The following IKBIP variants were observed in gnomAD, a reference collection of about 807,000 sequenced individuals.
IKBIP encodes inhibitor of nuclear factor kappa-B kinase-interacting protein.
IKBIP carries 28 observed loss-of-function variants against 31.0 expected under a neutral mutation model. The ratio of observed to expected loss-of-function variants is 0.90; its 90% CI spans 0.67 to 1.24. IKBIP has a LOEUF of 1.24. IKBIP is among the 50% of genes most tolerant of loss of function. The pLI is 0.00. For missense variants in IKBIP, 453 were observed against 441.9 expected (o/e 1.03, Z -0.23); for synonymous variants, 164 against 160.3 (o/e 1.02, Z -0.17).
chr12:98,618,575 G>A (rs1387814945), intron 2 of IKBIP, among the ~76,000 whole-genome samples: 4 of 151,092 alleles, frequency 2.6e-5, no homozygotes, highest in Admixed American at 6.6e-5. Context: ...GCAGTGAGCC[G>A]AGATTGTGCC....
At chr12:98,641,336 A>T (rs1265678250) in intron 1 of IKBIP, among the ~76,000 whole-genome samples, 1 of 152,184 alleles carries the variant, frequency 6.6e-6, no homozygotes, top group Non-Finnish European at 1.5e-5. Flanking sequence ...TACGGAAAGC[A>T]TTTAATAAAG....
chr12:98,624,188 TATAAG>T (rs981815129), downstream of IKBIP: 37 of 694,958 alleles, frequency 5.3e-5, 1 homozygote, highest in African/African-American at 3.1e-4. Flanking sequence ...ACGTAAAGGA[TATAAG>T]ATAAGAGATC....
Position 98,625,944 on chromosome 12 carries a change from C to A in IKBIP, c.1120G>T (p.Gly374Cys). Reference sequence around the variant, plus strand: ...ATGTCATGAATTTAAAAATCACCACCAATTCCTTTATTTTCTATATTATAT... The same window carrying A: ...ATGTCATGAATTTAAAAATCACCACAAATTCCTTTATTTTCTATATTATAT... ...KEYNIENKGI[G>C]GDF The change falls in exon 3 of 3, where the codon GGT (glycine) becomes TGT (cysteine). Residue 374 changes from glycine to cysteine, a missense_variant. By Grantham distance (159) the Gly-to-Cys change is radical. Coordinates refer to ENST00000299157, the MANE Select transcript of IKBIP (RefSeq NM_153687.4). 7.2e-7 allele frequency: 1 copy of A among 1,384,708 alleles called. No homozygotes were observed. Among genetic ancestry groups the A allele is most frequent in the South Asian group, 1.7e-5 (1 of 57,634 alleles). The allele number at this position is 1,384,708 out of a possible 1,614,324, so 85.8% of individuals were successfully genotyped here.
At chr12:98,636,247 G>C (rs116653418) in intron 1 of IKBIP, among the ~76,000 whole-genome samples, 1 of 152,160 alleles carries the variant, frequency 6.6e-6, no homozygotes, top group Non-Finnish European at 1.5e-5. Flanking sequence ...CTGATGCCTG[G>C]GTCTCACAAA....
chr12:98,635,374 T>C (rs920299744), intron 1 of IKBIP, among the ~76,000 whole-genome samples: 1 of 152,130 alleles, frequency 6.6e-6, no homozygotes, highest in African/African-American at 2.4e-5. Context: ...GGATTACAAG[T>C]GTGGGTCAAC....
chr12:98,621,265 C>CA (rs1291791290), downstream of IKBIP, among the ~76,000 whole-genome samples: 2 of 151,686 alleles, frequency 1.3e-5, no homozygotes, highest in African/African-American at 2.4e-5. Context: ...CAAAACAAAA[C>CA]AAAAAAAACC....
At chr12:98,614,203 G>C in exon 3 of IKBIP, 13 of 1,613,922 alleles carry the variant, frequency 8.1e-6, no homozygotes, top group Non-Finnish European at 1.1e-5. Flanking sequence ...TCGTCAGACT[G>C]TTGTTCAGTA....
At chr12:98,623,972 T>C (rs2097612046), downstream of IKBIP, among the ~76,000 whole-genome samples, 1 of 151,200 alleles carries the variant, frequency 6.6e-6, no homozygotes, top group South Asian at 2.1e-4. Flanking sequence ...TCTAGATATC[T>C]ATACATACAT....
chr12:98,627,439 CTTTT>C (rs11314734), intron 2 of IKBIP, among the ~76,000 whole-genome samples: 7 of 119,618 alleles, frequency 5.9e-5, no homozygotes, highest in Admixed American at 8.8e-5. Flanking sequence ...TTTTCTTTTT[CTTTT>C]TTTTTTTTTT....
chr12:98,632,518 T>A (rs1363785412), intron 2 of IKBIP, among the ~76,000 whole-genome samples: 579 of 41,202 alleles, frequency 0.014, 4 homozygotes, highest in African/African-American at 0.03. Context: ...AAAAAATATA[T>A]ATATATATAT....
At chr12:98,622,112 A>G (rs2097610638), downstream of IKBIP, among the ~76,000 whole-genome samples, 2 of 151,122 alleles carry the variant, frequency 1.3e-5, no homozygotes, top group South Asian at 2.1e-4. Context: ...TGATGAATGT[A>G]CATCTCCTAG....
chr12:98,616,337 G>A (rs1488454357), intron 2 of IKBIP, among the ~76,000 whole-genome samples: 1 of 150,960 alleles, frequency 6.6e-6, no homozygotes, highest in Non-Finnish European at 1.5e-5. Flanking sequence ...TTGTTTAATT[G>A]GGTTTTTTTT....
chr12:98,641,807 A>AC (rs1338575587), intron 1 of IKBIP, among the ~76,000 whole-genome samples: 2 of 151,872 alleles, frequency 1.3e-5, no homozygotes, highest in Non-Finnish European at 2.9e-5. Context: ...AGCGAATGCC[A>AC]CCACACTTGG....
In IKBIP at chr12:98,644,525, G is replaced by A. The variant is rs1209845816; in HGVS notation, c.177C>T (p.Ala59=). Reference sequence around the variant, plus strand: ...CAGGCAGCCTCGCGTCCACTTACCAGGCCAGGCCCAGGCACGTCCCCAGCG... The same window carrying A: ...CAGGCAGCCTCGCGTCCACTTACCAAGCCAGGCCCAGGCACGTCCCCAGCG... ...LLSLGTCLGL[A]WFVFQQSEKF... Residue 59 remains alanine (A), a splice_region_variant and synonymous_variant, in exon 1 of 3, where the codon GCC becomes GCT. Transcript: ENST00000299157. 6.3e-7 allele frequency: 1 copy of A among 1,596,898 alleles called. No individual in the cohort carries two copies. Among genetic ancestry groups the A allele is most frequent in the Non-Finnish European group, 8.5e-7 (1 of 1,173,018 alleles).
chr12:98,623,676 C>T (rs1388376713), downstream of IKBIP, among the ~76,000 whole-genome samples: 2 of 144,580 alleles, frequency 1.4e-5, no homozygotes, highest in African/African-American at 5.3e-5. Context: ...ATTGGGATTA[C>T]AAGTATGAGG....
chr12:98,620,917 G>A (rs987632182), downstream of IKBIP, among the ~76,000 whole-genome samples: 2 of 151,392 alleles, frequency 1.3e-5, no homozygotes, highest in African/African-American at 2.4e-5. Flanking sequence ...GCATCTTAGG[G>A]ATTATTGATA....
intron 2 of IKBIP, among the ~76,000 whole-genome samples, chr12:98,618,650 T>TG (rs1003527446): frequency 2.7e-5 from 4 of 148,916 alleles, no homozygotes; most frequent in South Asian, 2.1e-4. Context: ...AAATTTGAGA[T>TG]GGGGGTCTCA....
chr12:98,632,620 ATTTTT>A (rs35887973), intron 2 of IKBIP, among the ~76,000 whole-genome samples: 3 of 90,852 alleles, frequency 3.3e-5, no homozygotes, highest in Non-Finnish European at 6.2e-5. Flanking sequence ...CCAGATTCCA[ATTTTT>A]TTTTTTTTTT....
downstream of IKBIP, among the ~76,000 whole-genome samples, chr12:98,620,881 T>C (rs2097609616): frequency 6.6e-6 from 1 of 151,224 alleles, no homozygotes; most frequent in Non-Finnish European, 1.5e-5. Flanking sequence ...GGTAAATAAG[T>C]AAATAAAACC....
Sources: gnomAD v4.1 joint callset for allele counts (sites outside exome capture counted in the v4.1 genomes callset) on GRCh38, gnomAD v4.1.1 for gene constraint, MANE v1.5 for transcripts, NCBI Gene and HGNC (gene_info 2026-07-23, HGNC 2026-07-21) for gene names.